Variants in THSD4 observed in about 807,000 individuals in gnomAD.
THSD4 encodes the protein thrombospondin type-1 domain-containing protein 4.
In THSD4, 69 loss-of-function variants were observed where a neutral mutation model predicts 119.0. The ratio of observed to expected loss-of-function variants is 0.58; its 90% confidence interval spans 0.48 to 0.71. The LOEUF (loss-of-function observed/expected upper bound fraction) is 0.71, where lower values mean the gene tolerates loss of function less well. Among genes scored for constraint, THSD4 ranks in the 30% least tolerant of loss-of-function variants. THSD4 has a pLI of 0.00. For missense variants in THSD4, 1,393 were observed against 1,391.1 expected (o/e 1.00, Z -0.02); for synonymous variants, 524 against 540.4 (o/e 0.97, Z 0.42).
At chr15:71,641,847 A>G (rs1197058647) in intron 7 of THSD4, among the ~76,000 whole-genome samples, 1 of 152,244 alleles carries the variant, frequency 6.6e-6, no homozygotes, top group African/African-American at 2.4e-5. Context: ...ATTGATACCT[A>G]TACCACAGTA....
Position 71,180,370 on chromosome 15 carries a change from A to G in THSD4, c.99+25438A>G, listed in dbSNP as rs2043505226. 2.6e-5 allele frequency among the ~76,000 whole-genome samples: 4 copies of G among 152,296 alleles called. No individual in the cohort carries two copies. The Middle Eastern group carries it at 0.01, about 389-fold the overall frequency. On this transcript the variant is annotated intron_variant, in intron 3 of 17. Transcript: ENST00000261862. ...GACGTTTCTCCAAAGAAGATATGCA[A>G]ATGTCCAATAAGCACATTAAAAGAT...
At chr15:71,237,041 C>T (rs2044111359) in intron 4 of THSD4, among the ~76,000 whole-genome samples, 1 of 152,236 alleles carries the variant, frequency 6.6e-6, no homozygotes, top group Admixed American at 6.5e-5. Flanking sequence ...AGTCCCTTGG[C>T]CTACTGAGGA....
In THSD4 at chr15:71,557,094, A is replaced by G. The variant is rs866332593; in HGVS notation, c.1153-103436A>G. Among the ~76,000 whole-genome samples the G allele has an allele frequency of 1.7e-4, 26 of 152,336 alleles. No individual in the cohort carries two copies. The South Asian group carries it at 3.3e-3, about 19-fold the overall frequency. ...AAGAGAACACTTCTGACATTCTGCC[A>G]TTGAAAATCAAGTTTGCTGTAAGTT... On this transcript the variant is annotated intron_variant, in intron 7 of 17. Coordinates refer to ENST00000261862, the MANE Select transcript of THSD4 (RefSeq NM_024817.3).
chr15:71,101,249 C>A (rs1443431552), intron 1 of THSD4, among the ~76,000 whole-genome samples: 2 of 151,878 alleles, frequency 1.3e-5, no homozygotes, highest in East Asian at 1.9e-4. Context: ...TATTATATTA[C>A]TATTATATTT....
At chr15:71,681,584 A>T (rs1345843244) in intron 8 of THSD4, among the ~76,000 whole-genome samples, 1 of 151,600 alleles carries the variant, frequency 6.6e-6, no homozygotes, top group African/African-American at 2.4e-5. Flanking sequence ...CTGGGGCGGC[A>T]GAATCGATTG....
chr15:71,331,299 G>C (rs1300040990), intron 6 of THSD4, among the ~76,000 whole-genome samples: 4 of 152,154 alleles, frequency 2.6e-5, no homozygotes, highest in Non-Finnish European at 5.9e-5. Context: ...AGAAAATTTG[G>C]ATGTGGATAC....
Position 71,283,099 on chromosome 15 carries a change from A to T in THSD4, c.1015+26384A>T, listed in dbSNP as rs2044675215. On this transcript the variant is annotated intron_variant, in intron 6 of 17. Coordinates refer to ENST00000261862, the MANE Select transcript of THSD4 (RefSeq NM_024817.3). ...ATTCTTCTGCCTCAGCCTCCCGAGT[A>T]GCTGGGACTACAGGCGCGTGCCACC... 2.0e-5 allele frequency among the ~76,000 whole-genome samples: 3 copies of T among 151,570 alleles called. No individual in the cohort carries two copies. The South Asian group carries it at 6.3e-4, about 32-fold the overall frequency.
At chr15:71,728,514 G>A in intron 8 of THSD4, 35 bp from the exon 9 acceptor site, 1 of 1,609,322 alleles carries the variant, frequency 6.2e-7, no homozygotes, top group Non-Finnish European at 8.5e-7. Flanking sequence ...CACACCCTGG[G>A]CTTACCCAAA....
chr15:71,630,790 G>A (rs1202769287), intron 7 of THSD4, among the ~76,000 whole-genome samples: 1 of 152,110 alleles, frequency 6.6e-6, no homozygotes, highest in African/African-American at 2.4e-5. Context: ...GTGAGAGCAG[G>A]GTTTTTCAAC....
rs1334038600 is a variant in THSD4 at position 71,780,156 on chromosome 15, CCCT to C, written c.*2784_*2786del. 1.3e-5 allele frequency: 2 copies of C among 152,296 alleles called. No individual in the cohort carries two copies. The highest frequency in any genetic ancestry group is 4.8e-5 in the African/African-American group (2 of 41,410). 9.4% of individuals were successfully genotyped at this position (152,296 alleles called of 1,614,324 possible). On this transcript the variant is annotated 3_prime_UTR_variant, in exon 18 of 18. Transcript: ENST00000261862. ...TGCTTTCTTAGTGCCCATTATTTCC[CCCT>C]CTCCTTTCTTCTGTCACTGCCATCT...
At chr15:71,358,115 G>A (rs1205606301) in intron 6 of THSD4, among the ~76,000 whole-genome samples, 1 of 152,198 alleles carries the variant, frequency 6.6e-6, no homozygotes, top group East Asian at 1.9e-4. Context: ...CTGTAGCACG[G>A]TCTTCCTGAC....
intron 7 of THSD4, among the ~76,000 whole-genome samples, chr15:71,605,167 G>C (rs2050085298): frequency 6.6e-6 from 1 of 152,170 alleles, no homozygotes; most frequent in African/African-American, 2.4e-5. Flanking sequence ...GAAGGATCAA[G>C]GAAGAGAAGA....
intron 4 of THSD4, among the ~76,000 whole-genome samples, chr15:71,233,465 C>T (rs1410414950): frequency 4.6e-5 from 7 of 152,092 alleles, no homozygotes; most frequent in African/African-American, 1.7e-4. Context: ...ATACTGTATA[C>T]ATTTTTTCTT....
chr15:71,389,449 C>A (rs113224001), intron 6 of THSD4, among the ~76,000 whole-genome samples: 1 of 146,106 alleles, frequency 6.8e-6, no homozygotes, highest in South Asian at 2.2e-4. Context: ...TGTTGTAGCA[C>A]GTGTCAGAAT....
chr15:71,535,295 A>G (rs2048674051), intron 7 of THSD4, among the ~76,000 whole-genome samples: 1 of 152,202 alleles, frequency 6.6e-6, no homozygotes, highest in Non-Finnish European at 1.5e-5. Flanking sequence ...TCCATTTTGT[A>G]GCATGTATCG....
intron 7 of THSD4, among the ~76,000 whole-genome samples, chr15:71,629,874 T>C (rs962043241): frequency 2.0e-5 from 3 of 152,146 alleles, no homozygotes; most frequent in Non-Finnish European, 4.4e-5. Context: ...TTTCCTCGGG[T>C]TACTCTGGCT....
intron 7 of THSD4, among the ~76,000 whole-genome samples, chr15:71,576,134 C>T (rs2140907052): frequency 6.6e-6 from 1 of 151,546 alleles, no homozygotes; most frequent in East Asian, 1.9e-4. Flanking sequence ...TCTCACTTGA[C>T]AATAAAAAGT....
intron 13 of THSD4, among the ~76,000 whole-genome samples, chr15:71,747,942 CTT>C (rs1358750046): frequency 6.6e-6 from 1 of 152,234 alleles, no homozygotes. Flanking sequence ...AGGTGCATGA[CTT>C]AACCCCTTGC....
intron 7 of THSD4, among the ~76,000 whole-genome samples, chr15:71,477,630 G>A (rs1394935340): frequency 6.6e-6 from 1 of 152,126 alleles, no homozygotes; most frequent in Non-Finnish European, 1.5e-5. Context: ...AGCCCCTCCT[G>A]TTCTCACCTC....
Sources: gnomAD v4.1 joint callset for allele counts (sites outside exome capture counted in the v4.1 genomes callset) on GRCh38, gnomAD v4.1.1 for gene constraint, MANE v1.5 for transcripts, NCBI Gene and HGNC (gene_info 2026-07-23, HGNC 2026-07-21) for gene names.